OPCML: variants seen among roughly 807,000 people sequenced by gnomAD.
OPCML encodes opioid binding protein/cell adhesion molecule like.
Under a neutral mutation model 37.8 loss-of-function variants are expected in OPCML, and 13 were observed. The ratio of observed to expected loss-of-function variants is 0.34; its 90% CI spans 0.22 to 0.55. The LOEUF (loss-of-function observed/expected upper bound fraction) is 0.55, where lower values mean the gene tolerates loss of function less well. OPCML is among the 20% of genes least tolerant of loss of function. The pLI is 0.91. For synonymous variants in OPCML, 176 were observed against 168.8 expected (o/e 1.04, Z -0.33); for missense variants, 341 against 435.6 (o/e 0.78, Z 1.93).
In OPCML at chr11:132,416,499, C is replaced by T. The variant is rs1244676800; in HGVS notation, c.*3694G>A. The T allele has an allele frequency of 6.6e-6, 1 of 152,220 alleles. No individual in the cohort carries two copies. Among genetic ancestry groups the T allele is most frequent in the Non-Finnish European group, 1.5e-5 (1 of 68,050 alleles). 9.4% of individuals were successfully genotyped at this position (152,220 alleles called of 1,614,324 possible). ...CAGCATAAATAGAACTTGCTGACTT[C>T]TCTTTGTTGAAGGCAAATTGACTGA... On this transcript the variant is annotated 3_prime_UTR_variant, in exon 8 of 8. Transcript: ENST00000524381.
intron 1 of OPCML, among the ~76,000 whole-genome samples, chr11:133,448,820 AGAAAG>A (rs1455092718): frequency 6.6e-6 from 1 of 152,244 alleles, no homozygotes; most frequent in African/African-American, 2.4e-5. Context: ...CCAGGAATAC[AGAAAG>A]GAAAGTTTGT....
At chr11:133,458,496 G>C (rs1445899639) in intron 1 of OPCML, among the ~76,000 whole-genome samples, 3 of 89,334 alleles carry the variant, frequency 3.4e-5, no homozygotes, top group Non-Finnish European at 6.0e-5. Context: ...ATATATACAC[G>C]TGTGTGTGTA....
chr11:132,766,203 C>T (rs977310078), intron 2 of OPCML, among the ~76,000 whole-genome samples: 13 of 151,994 alleles, frequency 8.6e-5, no homozygotes, highest in Non-Finnish European at 1.6e-4. Context: ...GGAAAAAAAG[C>T]CAGCATCATG....
intron 1 of OPCML, chr11:133,423,104 G>A: frequency 1.0e-6 from 1 of 985,346 alleles, no homozygotes; most frequent in Non-Finnish European, 1.2e-6. Context: ...ATTGAGAAAT[G>A]GGCTTCTATT....
intron 1 of OPCML, among the ~76,000 whole-genome samples, chr11:133,136,682 A>G (rs1949696058): frequency 6.6e-6 from 1 of 152,066 alleles, no homozygotes; most frequent in Non-Finnish European, 1.5e-5. Flanking sequence ...AGAGGGAAAG[A>G]GAGAGAGAAT....
intron 1 of OPCML, among the ~76,000 whole-genome samples, chr11:133,312,766 T>C (rs555099747): frequency 6.6e-6 from 1 of 152,324 alleles, no homozygotes; most frequent in Admixed American, 6.5e-5. Flanking sequence ...TTAATGACAT[T>C]CTAAAACTCT....
chr11:133,223,633 T>A (rs1939926915), intron 1 of OPCML, among the ~76,000 whole-genome samples: 1 of 152,194 alleles, frequency 6.6e-6, no homozygotes, highest in Admixed American at 6.5e-5. Flanking sequence ...TTGTTTTGTG[T>A]TTCTGAAACC....
intron 1 of OPCML, among the ~76,000 whole-genome samples, chr11:132,969,350 A>G (rs1484819631): frequency 6.6e-6 from 1 of 152,110 alleles, no homozygotes; most frequent in Admixed American, 6.6e-5. Flanking sequence ...GCTGCTTCCA[A>G]CATTTTCTTT....
chr11:133,261,638 T>C (rs1448326809), intron 1 of OPCML, among the ~76,000 whole-genome samples: 2 of 152,226 alleles, frequency 1.3e-5, no homozygotes, highest in Non-Finnish European at 2.9e-5. Flanking sequence ...ACCATTTTTG[T>C]TCGCTGTCAT....
At chr11:133,484,415 A>G (rs1947485248) in intron 1 of OPCML, among the ~76,000 whole-genome samples, 1 of 152,158 alleles carries the variant, frequency 6.6e-6, no homozygotes, top group Non-Finnish European at 1.5e-5. Flanking sequence ...GGAAATACGA[A>G]TTGGTAACTC....
At chr11:133,289,594 CA>C (rs1229577687) in intron 1 of OPCML, among the ~76,000 whole-genome samples, 5,971 of 52,374 alleles carry the variant, frequency 0.11, 83 homozygotes, top group Non-Finnish European at 0.15. Flanking sequence ...GACTCCATCT[CA>C]AAAAAAAAAA....
At chr11:133,005,599 G>A (rs759775347) in intron 1 of OPCML, 2 of 984,938 alleles carry the variant, frequency 2.0e-6, no homozygotes, top group Non-Finnish European at 2.4e-6. Flanking sequence ...GACTACAGAT[G>A]TTTTCCTAAC....
At chr11:132,617,300 C>G (rs1418462245) in intron 3 of OPCML, among the ~76,000 whole-genome samples, 4 of 152,174 alleles carry the variant, frequency 2.6e-5, no homozygotes, top group Non-Finnish European at 4.4e-5. Flanking sequence ...ATTCACAAAA[C>G]AATTCGAGGA....
intron 1 of OPCML, among the ~76,000 whole-genome samples, chr11:133,264,149 A>G (rs1394726696): frequency 1.3e-5 from 2 of 152,226 alleles, no homozygotes; most frequent in Non-Finnish European, 2.9e-5. Context: ...AGGTGCGTGA[A>G]ATGTAAAGTC....
At chr11:132,440,394 C>T (rs1307165275) in intron 4 of OPCML, among the ~76,000 whole-genome samples, 1 of 151,572 alleles carries the variant, frequency 6.6e-6, no homozygotes, top group Non-Finnish European at 1.5e-5. Context: ...GTCTGGGATT[C>T]CACGTTTCTG....
chr11:132,957,325 G>A (rs1437020730), intron 1 of OPCML, among the ~76,000 whole-genome samples: 1 of 152,076 alleles, frequency 6.6e-6, no homozygotes, highest in African/African-American at 2.4e-5. Flanking sequence ...CAAAGAGGAA[G>A]CAAAAGAAAA....
intron 3 of OPCML, among the ~76,000 whole-genome samples, chr11:132,556,585 C>T (rs1432081473): frequency 2.6e-5 from 4 of 152,160 alleles, no homozygotes; most frequent in African/African-American, 9.7e-5. Context: ...CTTGCAGAAA[C>T]TTCCTAGGAA....
intron 2 of OPCML, among the ~76,000 whole-genome samples, chr11:132,905,858 T>C (rs991571546): frequency 6.6e-6 from 1 of 152,162 alleles, no homozygotes; most frequent in African/African-American, 2.4e-5. Flanking sequence ...CAAACTAATA[T>C]GTGTAAAAGC....
intron 1 of OPCML, among the ~76,000 whole-genome samples, chr11:133,263,662 G>A (rs1231489334): frequency 6.6e-6 from 1 of 152,124 alleles, no homozygotes; most frequent in African/African-American, 2.4e-5. Context: ...TGAGAGGCGT[G>A]TGTTTTGAAT....
Sources: allele counts gnomAD v4.1 joint callset (sites outside exome capture counted in the v4.1 genomes callset), GRCh38; gene constraint gnomAD v4.1.1; transcripts MANE v1.5; gene names NCBI Gene and HGNC (gene_info 2026-07-23, HGNC 2026-07-21).